PSD3: variants seen among roughly 807,000 people sequenced by gnomAD.
The protein encoded by PSD3 is PH and SEC7 domain-containing protein 3.
Under a neutral mutation model 105.5 loss-of-function variants are expected in PSD3, and 49 were observed. That is an observed-to-expected ratio of 0.46 (90% confidence interval 0.37 to 0.59). The LOEUF (loss-of-function observed/expected upper bound fraction) is 0.59. Ranked by LOEUF, PSD3 falls within the 20% of genes least tolerant of loss-of-function variation. The probability of loss-of-function intolerance (pLI) is 0.00; values close to 1 mark genes in which losing one functional copy is unlikely to be tolerated. For missense variants in PSD3, 1,561 were observed against 1,263.8 expected, an observed-to-expected ratio of 1.24 and a Z score of -3.57; for synonymous variants, 557 against 457.8, an observed-to-expected ratio of 1.22 and a Z score of -2.77.
At chr8:18,710,633 G>C (rs1162528121) in intron 9 of PSD3, among the ~76,000 whole-genome samples, 2 of 152,134 alleles carry the variant, frequency 1.3e-5, no homozygotes, top group African/African-American at 4.8e-5. Flanking sequence ...GAGACTAACA[G>C]TGGACCTCTC....
intron 2 of PSD3, among the ~76,000 whole-genome samples, chr8:18,920,039 A>C (rs1046940075): frequency 2.0e-5 from 2 of 100,770 alleles, no homozygotes; most frequent in Non-Finnish European, 5.0e-5. Context: ...AAACAATCAC[A>C]AAAAAAAAAA....
chr8:18,723,291 A>G (rs1245933718), intron 9 of PSD3, among the ~76,000 whole-genome samples: 1 of 152,204 alleles, frequency 6.6e-6, no homozygotes, highest in Non-Finnish European at 1.5e-5. Flanking sequence ...TCTGCATAGA[A>G]AGCTAAGTGC....
chr8:18,858,495 T>C lies in PSD3; in HGVS notation c.1634+9179A>G, dbSNP rs780650693. On this transcript the variant is annotated intron_variant, in intron 4 of 15. Transcript: ENST00000327040. ...TTTGCTGCATCAATGGACTCTTCTTTTCACAAAATATTTCTCTGTAGCCTG... is the reference window on the plus strand; with the variant it reads ...TTTGCTGCATCAATGGACTCTTCTTCTCACAAAATATTTCTCTGTAGCCTG... 1.1e-4 allele frequency among the ~76,000 whole-genome samples: 16 copies of C among 152,344 alleles called. 1 individual carries two copies. The highest frequency in any genetic ancestry group is 3.9e-4 in the Admixed American group (6 of 15,308).
At chr8:18,869,751 A>G (rs1817204699) in intron 3 of PSD3, among the ~76,000 whole-genome samples, 1 of 152,100 alleles carries the variant, frequency 6.6e-6, no homozygotes, top group African/African-American at 2.4e-5. Context: ...CTCCATCCAA[A>G]TTATTCATTC....
At chr8:18,608,863 A>T (rs1805051858) in intron 11 of PSD3, among the ~76,000 whole-genome samples, 1 of 152,160 alleles carries the variant, frequency 6.6e-6, no homozygotes, top group Admixed American at 6.5e-5. Context: ...CTGAACTGGA[A>T]ATGGATTGTG....
intron 1 of PSD3, among the ~76,000 whole-genome samples, chr8:19,044,842 G>A (rs958599694): frequency 2.6e-5 from 4 of 152,262 alleles, no homozygotes; most frequent in Middle Eastern, 3.4e-3. Flanking sequence ...AGAAAAATGT[G>A]AAGGCTTAAG....
intron 15 of PSD3, among the ~76,000 whole-genome samples, chr8:18,544,693 T>A (rs1487332932): frequency 6.6e-6 from 1 of 152,106 alleles, no homozygotes; most frequent in Non-Finnish European, 1.5e-5. Context: ...AATGGTACAA[T>A]CAGAGCTCAA....
chr8:18,635,003 C>G (rs2130778125), intron 10 of PSD3, among the ~76,000 whole-genome samples: 2 of 152,216 alleles, frequency 1.3e-5, no homozygotes, highest in Admixed American at 1.3e-4. Context: ...CTCATTTATT[C>G]TACATTCATT....
chr8:18,838,875 G>A (rs557805151), intron 4 of PSD3, among the ~76,000 whole-genome samples: 41 of 150,750 alleles, frequency 2.7e-4, no homozygotes, highest in African/African-American at 9.0e-4. Context: ...TAAGACTTCA[G>A]TGGCTCACAA....
At chr8:18,889,939 T>C (rs534884835) in intron 2 of PSD3, among the ~76,000 whole-genome samples, 91 of 152,300 alleles carry the variant, frequency 6.0e-4, no homozygotes, top group African/African-American at 2.0e-3. Flanking sequence ...CTATAGGTAA[T>C]AAATTTTTAT....
At chr8:18,601,551 T>G (rs1161232553) in intron 11 of PSD3, among the ~76,000 whole-genome samples, 1 of 152,196 alleles carries the variant, frequency 6.6e-6, no homozygotes, top group Non-Finnish European at 1.5e-5. Context: ...CAGGCAATCC[T>G]GCCAACACCA....
At chr8:18,752,646 TA>T (rs1563225987) in intron 9 of PSD3, among the ~76,000 whole-genome samples, 12 of 92,318 alleles carry the variant, frequency 1.3e-4, no homozygotes, top group African/African-American at 7.1e-4. Context: ...ATATATAATA[TA>T]TATAATATAT....
At chr8:18,611,466 T>A (rs531187818) in intron 11 of PSD3, among the ~76,000 whole-genome samples, 8 of 152,274 alleles carry the variant, frequency 5.3e-5, no homozygotes, top group African/African-American at 1.9e-4. Context: ...AGAACCTGGT[T>A]TGAGATACTG....
At chr8:18,618,072 T>A (rs1041982113) in intron 11 of PSD3, among the ~76,000 whole-genome samples, 1 of 152,186 alleles carries the variant, frequency 6.6e-6, no homozygotes, top group Non-Finnish European at 1.5e-5. Context: ...TTCATCTATA[T>A]AACAAGAACC....
intron 9 of PSD3, among the ~76,000 whole-genome samples, chr8:18,675,703 A>C (rs933821534): frequency 5.3e-5 from 8 of 152,130 alleles, no homozygotes; most frequent in Non-Finnish European, 8.8e-5. Context: ...AGTGGATTTT[A>C]AAAAAAGAAA....
intron 1 of PSD3, among the ~76,000 whole-genome samples, chr8:19,067,450 C>A (rs1443371362): frequency 6.6e-6 from 1 of 152,128 alleles, no homozygotes; most frequent in Non-Finnish European, 1.5e-5. Flanking sequence ...CAGAAGGCAC[C>A]AGAACAGCCC....
chr8:18,902,459 T>G (rs1317721832), intron 2 of PSD3, among the ~76,000 whole-genome samples: 1 of 152,252 alleles, frequency 6.6e-6, no homozygotes, highest in Non-Finnish European at 1.5e-5. Flanking sequence ...AAATTATTAC[T>G]TTGAATTCAT....
intron 11 of PSD3, among the ~76,000 whole-genome samples, chr8:18,612,063 G>A (rs1439151420): frequency 1.3e-5 from 2 of 152,102 alleles, no homozygotes; most frequent in African/African-American, 2.4e-5. Flanking sequence ...AAGCTGTAAA[G>A]AAGAAAAACA....
intron 2 of PSD3, among the ~76,000 whole-genome samples, chr8:18,917,878 A>G (rs954332064): frequency 6.6e-6 from 1 of 152,118 alleles, no homozygotes; most frequent in African/African-American, 2.4e-5. Context: ...CATGGAAGAG[A>G]ACTTTTATTT....
Sources: gnomAD v4.1 joint callset for allele counts (sites outside exome capture counted in the v4.1 genomes callset) on GRCh38, gnomAD v4.1.1 for gene constraint, MANE v1.5 for transcripts, NCBI Gene and HGNC (gene_info 2026-07-23, HGNC 2026-07-21) for gene names.